The following ITPKB variants were observed in gnomAD, a reference collection of about 807,000 sequenced individuals.
The protein encoded by ITPKB is IP3 3-kinase B.
Under a neutral mutation model 69.4 loss-of-function variants are expected in ITPKB, and 13 were observed. The ratio of observed to expected loss-of-function variants is 0.19; its 90% CI spans 0.12 to 0.30. The LOEUF is 0.30. Among genes scored for constraint, ITPKB ranks in the 10% least tolerant of loss-of-function variants. The pLI is 1.00. For missense variants in ITPKB, 1,240 were observed against 1,250.5 expected (o/e 0.99, Z 0.13); for synonymous variants, 584 against 513.7 (o/e 1.14, Z -1.85).
chr1:226,674,520 G>T (rs1168584019), intron 2 of ITPKB, among the ~76,000 whole-genome samples: 2 of 152,090 alleles, frequency 1.3e-5, no homozygotes, highest in African/African-American at 2.4e-5. Context: ...TTTAGTTAGA[G>T]ACGGGGTTTC....
At position 226,642,177 on chromosome 1, in the gene ITPKB, C is replaced by A. The variant is rs778624225; in HGVS notation, c.2247-52G>T. 2.0e-6 allele frequency: 3 copies of A among 1,464,412 alleles called. No homozygotes were observed. Among genetic ancestry groups the A allele is most frequent in the Middle Eastern group, 1.8e-4 (1 of 5,576 alleles). 90.7% of individuals were successfully genotyped at this position (1,464,412 alleles called of 1,614,324 possible). On this transcript the variant is annotated intron_variant, in intron 4 of 7. Transcript: ENST00000429204. This position sits in a 1 kb window ranked among gnomAD's most constrained non-coding sequence, Gnocchi z 6.4. Reference sequence around the variant, plus strand: ...GGCCGAGGCCTGGGGCAGGGCTCACCAGCAGCTCCTTTCCTGCCTGGTGGA... The same window carrying A: ...GGCCGAGGCCTGGGGCAGGGCTCACAAGCAGCTCCTTTCCTGCCTGGTGGA...
chr1:226,654,072 A>G (rs978513820), intron 2 of ITPKB, among the ~76,000 whole-genome samples: 4 of 152,154 alleles, frequency 2.6e-5, no homozygotes, highest in Non-Finnish European at 5.9e-5. Context: ...AAACAGCCGG[A>G]CCAGGGTGAG....
rs181015311 is a variant in ITPKB, at chr1:226,671,825, G to A, written c.1933-23054C>T. Among the ~76,000 whole-genome samples, 254 of 152,286 alleles carry A rather than the reference G, an allele frequency of 1.7e-3. 2 individuals are homozygous for A. Among genetic ancestry groups the A allele is most frequent in the African/African-American group, 5.9e-3 (247 of 41,548 alleles). ...GTGTGGGCAGCTTCAAAGGCCAGCA[G>A]GAACAGCAAAGTGGCTGGAACAGAG... On this transcript the variant is annotated intron_variant, in intron 2 of 7. Coordinates refer to ENST00000429204, the MANE Select transcript of ITPKB (RefSeq NM_002221.4).
intron 4 of ITPKB, among the ~76,000 whole-genome samples, chr1:226,644,968 C>T (rs928046781): frequency 6.6e-6 from 1 of 152,238 alleles, no homozygotes; most frequent in African/African-American, 2.4e-5. Flanking sequence ...CCACACAGCC[C>T]CCTTGGGAAG....
chr1:226,646,836 C>G (rs1669072770), intron 4 of ITPKB, among the ~76,000 whole-genome samples: 1 of 152,186 alleles, frequency 6.6e-6, no homozygotes, highest in South Asian at 2.1e-4. Flanking sequence ...CCCCGCACCC[C>G]CAGCGATCCC....
intron 2 of ITPKB, among the ~76,000 whole-genome samples, chr1:226,681,645 A>G (rs1656096261): frequency 6.6e-6 from 1 of 152,212 alleles, no homozygotes; most frequent in Non-Finnish European, 1.5e-5. Flanking sequence ...TTAAAGCCCA[A>G]TTTGCATATT....
At chr1:226,661,724 A>G (rs1404534386) in intron 2 of ITPKB, among the ~76,000 whole-genome samples, 1 of 152,218 alleles carries the variant, frequency 6.6e-6, no homozygotes, top group Admixed American at 6.5e-5. Context: ...AGAGCACTCA[A>G]CAGAGGCAGA....
At chr1:226,719,040 C>T (rs1416419700) in intron 2 of ITPKB, among the ~76,000 whole-genome samples, 8 of 152,250 alleles carry the variant, frequency 5.3e-5, no homozygotes, top group South Asian at 4.2e-4. Context: ...TTTGGGAGGC[C>T]GAGGCAGGCA....
At chr1:226,696,252 G>A (rs895530395) in intron 2 of ITPKB, among the ~76,000 whole-genome samples, 1 of 152,082 alleles carries the variant, frequency 6.6e-6, no homozygotes, top group Non-Finnish European at 1.5e-5. Context: ...CATAGTTTTG[G>A]TATGGGATTA....
Position 226,633,103 on chromosome 1 carries a change from C to G in ITPKB, c.*1568G>C, listed in dbSNP as rs1225593486. 6.6e-6 allele frequency: 1 copy of G among 152,232 alleles called. No homozygotes were observed. The highest frequency in any genetic ancestry group is 1.5e-5 in the Non-Finnish European group (1 of 68,036). The allele number at this position is 152,232 out of a possible 1,614,324, so 9.4% of individuals were successfully genotyped here. A position where few individuals can be genotyped will look rare whatever the true frequency, so the allele number is the denominator to read the frequency against. On this transcript the variant is annotated 3_prime_UTR_variant, in exon 8 of 8. Transcript: ENST00000429204. The stretch of plus-strand genomic sequence containing the variant: ...AGAGCCAGGAAGTGTAAGTTGATTT[C>G]CTTTTTTAAAATCTGTACTTATACA...
intron 2 of ITPKB, among the ~76,000 whole-genome samples, chr1:226,698,959 C>G (rs1264765027): frequency 6.6e-6 from 1 of 152,250 alleles, no homozygotes; most frequent in Non-Finnish European, 1.5e-5. Flanking sequence ...CCTGGAAACT[C>G]TACCAACTGC....
chr1:226,713,079 C>T (rs999235999), intron 2 of ITPKB, among the ~76,000 whole-genome samples: 1 of 152,150 alleles, frequency 6.6e-6, no homozygotes, highest in African/African-American at 2.4e-5. Flanking sequence ...CACATACACA[C>T]GTGCATATGC....
rs530878945 is a variant in ITPKB at position 226,641,470 on chromosome 1, C to T, written c.2451+451G>A. ...TATTTTAAAATTTCCAAAAAAAGAT[C>T]GAAGAGCAAAGCAGAGAGAATGCAG... On this transcript the variant is annotated intron_variant, in intron 5 of 7. Transcript: ENST00000429204. This position sits in a 1 kb window ranked among gnomAD's most constrained non-coding sequence, Gnocchi z 4.6. Among the ~76,000 whole-genome samples the T allele has an allele frequency of 7.9e-5, 12 of 152,318 alleles. No individual in the cohort carries two copies. Among genetic ancestry groups the T allele is most frequent in the Non-Finnish European group, 1.2e-4 (8 of 68,028 alleles).
chr1:226,648,716 G>T lies in ITPKB; in HGVS notation c.1988C>A (p.Ser663Tyr). Residue 663 changes from serine to tyrosine, a missense_variant, in exon 3 of 8, where the codon TCC (serine) becomes TAC (tyrosine). Coordinates refer to ENST00000429204, the MANE Select transcript of ITPKB (RefSeq NM_002221.4). The stretch of plus-strand genomic sequence containing the variant: ...GATCCAGGGGTACTTCTTCTTGAAG[G>T]ACATGACGAAGGGAGACCAGTGCAC... Reference protein sequence around the residue: ...NMVHWSPFVMSFKKKYPWIQL... With the variant: ...NMVHWSPFVMYFKKKYPWIQL... 6.2e-7 allele frequency: 1 copy of T among 1,613,196 alleles called. No individual in the cohort carries two copies. The highest frequency in any genetic ancestry group is 8.5e-7 in the Non-Finnish European group (1 of 1,179,088).
rs773094695 is a variant in ITPKB, at chr1:226,736,752, G to C, written c.707C>G (p.Pro236Arg). 1 of 1,613,042 alleles carries C rather than the reference G, an allele frequency of 6.2e-7. No individual in the cohort carries two copies. The highest frequency in any genetic ancestry group is 8.5e-7 in the Non-Finnish European group (1 of 1,179,984). The change falls in exon 2 of 8, where the codon CCT becomes CGT. Residue 236 changes from proline to arginine, a missense_variant. Physicochemically the swap from Pro to Arg is moderately radical, Grantham distance 103 (BLOSUM62 -2). Transcript: ENST00000429204. ...TGTAGGGGCAGCCCGGCCGGGAAGA[G>C]GTGGCATTCCTTTCTTCACCTGCGA... ...CSSQVKKGMPPLPGRAAPTGS... is the reference protein window; with the variant it reads ...CSSQVKKGMPRLPGRAAPTGS...
At chr1:226,725,539 A>T (rs1469423426) in intron 2 of ITPKB, among the ~76,000 whole-genome samples, 2 of 152,070 alleles carry the variant, frequency 1.3e-5, no homozygotes, top group African/African-American at 4.8e-5. Flanking sequence ...AGAGAAAACC[A>T]CTCAAGGTAC....
At position 226,647,369 on chromosome 1, in the gene ITPKB, C is replaced by A; in HGVS notation, c.2044G>T (p.Ala682Ser). 6.2e-7 allele frequency: 1 copy of A among 1,613,528 alleles called. No individual in the cohort carries two copies. Among genetic ancestry groups the A allele is most frequent in the Non-Finnish European group, 8.5e-7 (1 of 1,179,662 alleles). The change falls in exon 4 of 8, where the codon GCA (alanine) becomes TCA (serine). Residue 682 changes from alanine (A) to serine (S), a missense_variant. Ala to Ser is a moderately conservative substitution (Grantham distance 99). Transcript: ENST00000429204. Reference protein sequence around the residue: ...QLAGHAGSFKAAANGRILKKH... With the variant: ...QLAGHAGSFKSAANGRILKKH... ...TTCAGGATCCTGCCATTGGCAGCTGCCTTGAAACTCCCTGGAGAGCAAGTG... is the reference window on the plus strand; with the variant it reads ...TTCAGGATCCTGCCATTGGCAGCTGACTTGAAACTCCCTGGAGAGCAAGTG...
At chr1:226,671,353 C>T (rs1199068215) in intron 2 of ITPKB, among the ~76,000 whole-genome samples, 4 of 152,180 alleles carry the variant, frequency 2.6e-5, no homozygotes, top group African/African-American at 7.2e-5. Context: ...GGGCAGGGAC[C>T]GTGGAATCCA....
chr1:226,702,039 AAG>A (rs1184293154), intron 2 of ITPKB, among the ~76,000 whole-genome samples: 3 of 152,158 alleles, frequency 2.0e-5, no homozygotes, highest in Non-Finnish European at 4.4e-5. Flanking sequence ...AATGCCAGGG[AAG>A]AGAGAGACAA....
Sources: gnomAD v4.1 joint callset for allele counts (sites outside exome capture counted in the v4.1 genomes callset) on GRCh38, gnomAD v4.1.1 for gene constraint, Gnocchi (gnomAD v3.1) non-coding constraint, MANE v1.5 for transcripts, NCBI Gene and HGNC (gene_info 2026-07-23, HGNC 2026-07-21) for gene names.